IGLL5: variants seen among roughly 807,000 people sequenced by gnomAD.
IGLL5 encodes the protein immunoglobulin lambda like polypeptide 5, also known as immunoglobulin lambda-like polypeptide 5.
In IGLL5, 30 loss-of-function variants were observed where a neutral mutation model predicts 20.9. The ratio of observed to expected loss-of-function variants is 1.44; its 90% CI spans 1.07 to 1.95. The LOEUF (loss-of-function observed/expected upper bound fraction) is 1.95, where lower values mean the gene tolerates loss of function less well. Among genes scored for constraint, IGLL5 ranks in the 30% most tolerant of loss-of-function variants. IGLL5 has a pLI of 0.00. For missense variants in IGLL5, 475 were observed against 270.7 expected (o/e 1.75, Z -5.30); for synonymous variants, 203 against 117.3 (o/e 1.73, Z -4.72).
At position 22,895,587 on chromosome 22, in the gene IGLL5, C is replaced by G. The variant is rs2066750170; in HGVS notation, c.538C>G (p.Leu180Val). Residue 180 changes from leucine to valine, a missense_variant, in exon 3 of 3, where the codon CTG (leucine) becomes GTG (valine). Coordinates refer to ENST00000526893, the MANE Select transcript of IGLL5 (RefSeq NM_001178126.2). ...CAACAAGTACGCGGCCAGCAGCTACCTGAGCCTGACGCCCGAGCAGTGGAA... is the reference window on the plus strand; with the variant it reads ...CAACAAGTACGCGGCCAGCAGCTACGTGAGCCTGACGCCCGAGCAGTGGAA... ...SNNKYAASSY[L>V]SLTPEQWKSH... 4 of 1,613,306 alleles carry G rather than the reference C, an allele frequency of 2.5e-6. No individual in the cohort carries two copies. The East Asian group carries it at 6.7e-5, about 27-fold the overall frequency.
In IGLL5 at chr22:22,887,922, T is replaced by C. The variant is rs1372279041; in HGVS notation, c.-132T>C. ...GGCTAGGGACAGGGACCAGAGCCAGTCCAGGGAGAGGACAGAGCCAATGGA... is the reference window on the plus strand; with the variant it reads ...GGCTAGGGACAGGGACCAGAGCCAGCCCAGGGAGAGGACAGAGCCAATGGA... On this transcript the variant is annotated 5_prime_UTR_variant, in exon 1 of 3. Transcript: ENST00000526893. The C allele has an allele frequency of 3.9e-6, 3 of 773,920 alleles. No individual in the cohort carries two copies. Among genetic ancestry groups the C allele is most frequent in the South Asian group, 1.5e-5 (1 of 66,182 alleles). The allele number at this position is 773,920 out of a possible 1,614,324, so 47.9% of individuals were successfully genotyped here.
chr22:22,894,617 G>A (rs185686335), intron 2 of IGLL5, among the ~76,000 whole-genome samples: 1 of 151,152 alleles, frequency 6.6e-6, no homozygotes, highest in Non-Finnish European at 1.5e-5. Flanking sequence ...GTGAATGAGG[G>A]GTGCAGAGAA....
chr22:22,888,524 A>G (rs976218362), intron 1 of IGLL5, among the ~76,000 whole-genome samples: 4 of 151,414 alleles, frequency 2.6e-5, no homozygotes, highest in Admixed American at 6.6e-5. Flanking sequence ...TCAGTGCCTC[A>G]ATCACCTAGT....
chr22:22,888,394 G>A (rs192526633), intron 1 of IGLL5, 135 bp downstream of exon 1: 41 of 678,034 alleles, frequency 6.0e-5, no homozygotes, highest in Admixed American at 1.5e-4. Context: ...ACTGGCTTTA[G>A]TAATGGGTTG....
rs1034360626 is a variant in IGLL5, at chr22:22,895,882, G to A, written c.*188G>A. On this transcript the variant is annotated 3_prime_UTR_variant, in exon 3 of 3. Coordinates refer to ENST00000526893, the MANE Select transcript of IGLL5 (RefSeq NM_001178126.2). ...TCTCACATAAATTGCTAGCCTCCCC[G>A]GGGTTCTCAGTGTGGGGTACAGGGA... is the stretch of plus-strand genomic sequence containing the variant. 9.4e-5 allele frequency: 63 copies of A among 667,922 alleles called. No homozygotes were observed. In the South Asian group the frequency reaches 9.8e-4, roughly 10 times the overall value. The allele number at this position is 667,922 out of a possible 1,614,324, so 41.4% of individuals were successfully genotyped here.
chr22:22,888,477 TC>T, intron 1 of IGLL5, among the ~76,000 whole-genome samples: 1 of 151,478 alleles, frequency 6.6e-6, no homozygotes, highest in Admixed American at 6.6e-5. Flanking sequence ...TTTCTTGATT[TC>T]TGAGTTTTCT....
Position 22,888,004 on chromosome 22 carries a change from G to A in IGLL5, c.-50G>A, listed in dbSNP as rs2145974726. 2 of 1,448,300 alleles carry A rather than the reference G, an allele frequency of 1.4e-6. No individual in the cohort carries two copies. Among genetic ancestry groups the A allele is most frequent in the African/African-American group, 1.4e-5 (1 of 70,774 alleles). 89.7% of individuals were successfully genotyped at this position (1,448,300 alleles called of 1,614,324 possible). A position where few individuals can be genotyped will look rare whatever the true frequency, so the allele number is the denominator to read the frequency against. On this transcript the variant is annotated 5_prime_UTR_variant, in exon 1 of 3. Coordinates refer to ENST00000526893, the MANE Select transcript of IGLL5 (RefSeq NM_001178126.2). ...GAGGGACCAGGGCACCGTCCTCCAG[G>A]GAGCCCATGCTGCAAGTCGGGCCAG...
At position 22,895,369 on chromosome 22, in the gene IGLL5, A is replaced by G; in HGVS notation, c.326-6A>G. 6.2e-7 allele frequency: 1 copy of G among 1,612,392 alleles called. No individual in the cohort carries two copies. Among genetic ancestry groups the G allele is most frequent in the Non-Finnish European group, 8.5e-7 (1 of 1,179,254 alleles). On this transcript the variant is annotated splice_polypyrimidine_tract_variant and splice_region_variant and intron_variant, in intron 2 of 2. Coordinates refer to ENST00000526893, the MANE Select transcript of IGLL5 (RefSeq NM_001178126.2). ...CCCTCTCTCACCCCCTTCCCTGTCC[A>G]CACAGGTCAGCCCAAGGCCAACCCC... is the stretch of plus-strand genomic sequence containing the variant.
chr22:22,895,438 A>C lies in IGLL5; in HGVS notation c.389A>C (p.Asn130Thr). 6.2e-7 allele frequency: 1 copy of C among 1,612,970 alleles called. No homozygotes were observed. The highest frequency in any genetic ancestry group is 8.5e-7 in the Non-Finnish European group (1 of 1,179,546). Residue 130 changes from asparagine (N) to threonine (T), a missense_variant, in exon 3 of 3, where the codon AAC (asparagine) becomes ACC (threonine). Coordinates refer to ENST00000526893, the MANE Select transcript of IGLL5 (RefSeq NM_001178126.2). ...FPPSSEELQANKATLVCLISD... is the reference protein window; with the variant it reads ...FPPSSEELQATKATLVCLISD... ...CCCTCCTCTGAGGAGCTCCAAGCCA[A>C]CAAGGCCACACTAGTGTGTCTGATC...
chr22:22,894,158 T>TCCTGG (rs2067990609), intron 2 of IGLL5, among the ~76,000 whole-genome samples: 1 of 151,378 alleles, frequency 6.6e-6, no homozygotes, highest in Admixed American at 6.6e-5. Context: ...GCCCAGTGAC[T>TCCTGG]CCTGGGGTCA....
intron 2 of IGLL5, 136 bp downstream of exon 2, chr22:22,893,954 G>A (rs1462214869): frequency 2.1e-5 from 15 of 716,914 alleles, no homozygotes; most frequent in South Asian, 6.4e-5. Flanking sequence ...CATGGGGCCT[G>A]GAGGAGGTGC....
intron 2 of IGLL5, among the ~76,000 whole-genome samples, chr22:22,894,309 G>A (rs2068014774): frequency 2.0e-5 from 3 of 151,386 alleles, no homozygotes; most frequent in African/African-American, 4.8e-5. Flanking sequence ...GTGACACAGA[G>A]GTCACCCCAA....
intron 1 of IGLL5, among the ~76,000 whole-genome samples, chr22:22,889,863 T>C (rs2067759011): frequency 1.3e-5 from 2 of 151,416 alleles, no homozygotes; most frequent in Admixed American, 1.3e-4. Context: ...TCCCACGTGC[T>C]GGAATTACAG....
chr22:22,888,217 C>T lies in IGLL5; in HGVS notation c.164C>T (p.Ser55Leu), dbSNP rs1484820820. The T allele has an allele frequency of 6.5e-7, 1 of 1,548,254 alleles. No homozygotes were observed. Among genetic ancestry groups the T allele is most frequent in the Non-Finnish European group, 8.7e-7 (1 of 1,146,482 alleles). ...AGCGGGGACCCAGACCCTGGAGCCTCAGTTGGAAGCAGCCGATCCAGCCTG... is the reference window on the plus strand; with the variant it reads ...AGCGGGGACCCAGACCCTGGAGCCTTAGTTGGAAGCAGCCGATCCAGCCTG... ...PQSGDPDPGA[S>L]VGSSRSSLRS... The change falls in exon 1 of 3, where the codon TCA becomes TTA. Residue 55 changes from serine (S) to leucine (L), a missense_variant. By Grantham distance (145) the Ser-to-Leu change is moderately radical. Coordinates refer to ENST00000526893, the MANE Select transcript of IGLL5 (RefSeq NM_001178126.2).
In IGLL5 at chr22:22,887,895, TG is replaced by T; in HGVS notation, c.-156del. ...GACAGCCATGGACCCTGGAAGGGCC[TG>T]GGCTAGGGACAGGGACCAGAGCCAG... On this transcript the variant is annotated 5_prime_UTR_variant, in exon 1 of 3. An upstream open reading frame in the 5' UTR loses its in-frame stop. Transcript: ENST00000526893. The T allele has an allele frequency of 1.5e-6, 1 of 688,808 alleles. No homozygotes were observed. Among genetic ancestry groups the T allele is most frequent in the Non-Finnish European group, 2.6e-6 (1 of 380,652 alleles). 42.7% of individuals were successfully genotyped at this position (688,808 alleles called of 1,614,324 possible).
chr22:22,895,220 A>G (rs2066732802), intron 2 of IGLL5, among the ~76,000 whole-genome samples, 155 bp from the exon 3 acceptor site: 1 of 151,504 alleles, frequency 6.6e-6, no homozygotes, highest in Non-Finnish European at 1.5e-5. Context: ...TCCACAGGGC[A>G]TGAGTGGAAA....
chr22:22,894,843 G>A (rs1183751014), intron 2 of IGLL5, among the ~76,000 whole-genome samples: 1 of 151,374 alleles, frequency 6.6e-6, no homozygotes, highest in Non-Finnish European at 1.5e-5. Flanking sequence ...AGCCAAGTGG[G>A]CTGGGCTGGG....
At chr22:22,889,139 G>T (rs2067690416) in intron 1 of IGLL5, among the ~76,000 whole-genome samples, 2 of 151,228 alleles carry the variant, frequency 1.3e-5, no homozygotes, top group South Asian at 2.1e-4. Flanking sequence ...GGAGGCTGAT[G>T]CGACGCCCGA....
At chr22:22,889,158 G>A (rs1410131679) in intron 1 of IGLL5, among the ~76,000 whole-genome samples, 3 of 151,172 alleles carry the variant, frequency 2.0e-5, no homozygotes, top group Admixed American at 6.6e-5. Flanking sequence ...GATTAGAGGA[G>A]GGAGGAGAGG....
Sources: allele counts gnomAD v4.1 joint callset (sites outside exome capture counted in the v4.1 genomes callset), GRCh38; gene constraint gnomAD v4.1.1; transcripts MANE v1.5; gene names NCBI Gene and HGNC (gene_info 2026-07-23, HGNC 2026-07-21).